The following MNAT1 variants were observed in gnomAD, a reference collection of about 807,000 sequenced individuals.
MNAT1 encodes CDK-activating kinase assembly factor MAT1.
A neutral mutation model predicts 42.0 loss-of-function variants in MNAT1; 43 were observed. The observed-to-expected ratio is 1.02, with a 90% CI of 0.80 to 1.32. The LOEUF (loss-of-function observed/expected upper bound fraction) is 1.32. MNAT1 is among the 40% of genes most tolerant of loss of function. The pLI, the probability that MNAT1 is intolerant of heterozygous loss-of-function variation, is 0.00. For missense variants in MNAT1, 306 were observed against 350.4 expected (o/e 0.87, Z 1.01); for synonymous variants, 118 against 120.0 (o/e 0.98, Z 0.11).
At chr14:60,922,758 C>G (rs2139555665) in intron 7 of MNAT1, among the ~76,000 whole-genome samples, 1 of 152,216 alleles carries the variant, frequency 6.6e-6, no homozygotes, top group Non-Finnish European at 1.5e-5. Flanking sequence ...AGTAAGATTT[C>G]TCCATTGCCA....
chr14:60,849,518 G>A (rs1160645909), intron 6 of MNAT1, among the ~76,000 whole-genome samples: 1 of 152,176 alleles, frequency 6.6e-6, no homozygotes, highest in Non-Finnish European at 1.5e-5. Context: ...TGAACTGCCT[G>A]TGGTCCTAGA....
intron 7 of MNAT1, among the ~76,000 whole-genome samples, chr14:60,937,575 T>A (rs944058376): frequency 6.6e-6 from 1 of 152,180 alleles, no homozygotes; most frequent in Non-Finnish European, 1.5e-5. Context: ...CTCTGTTCTG[T>A]TCCATTGGTC....
intron 1 of MNAT1, among the ~76,000 whole-genome samples, chr14:60,750,337 C>T (rs1424217415): frequency 6.6e-6 from 1 of 151,920 alleles, no homozygotes; most frequent in African/African-American, 2.4e-5. Flanking sequence ...CGGCATTCTC[C>T]TGCCTCAGCC....
intron 1 of MNAT1, among the ~76,000 whole-genome samples, chr14:60,743,998 C>A (rs1896545410): frequency 1.3e-5 from 2 of 151,880 alleles, no homozygotes; most frequent in South Asian, 4.2e-4. Flanking sequence ...ATATATTTTT[C>A]TTTAGTTCTT....
intron 7 of MNAT1, among the ~76,000 whole-genome samples, chr14:60,938,287 G>A (rs2036053071): frequency 6.6e-6 from 1 of 152,102 alleles, no homozygotes; most frequent in Admixed American, 6.5e-5. Flanking sequence ...GTGAGAGAGG[G>A]CATCCCTGTC....
rs918576742 is a variant in MNAT1, at chr14:60,968,377, T to C, written c.*28T>C. The C allele has an allele frequency of 6.3e-7, 1 of 1,598,196 alleles. No homozygotes were observed. Among genetic ancestry groups the C allele is most frequent in the Middle Eastern group, 1.7e-4 (1 of 5,978 alleles). ...ATTTATAAGATTTGGACCTTGGAGC[T>C]GAACCAGGGAGCTAGCAAAAGTAAA... On this transcript the variant is annotated 3_prime_UTR_variant, in exon 8 of 8. Transcript: ENST00000261245.
In MNAT1 at chr14:60,879,770, C is replaced by T. The variant is rs200165574; in HGVS notation, c.744C>T (p.Tyr248=). 6 of 1,613,006 alleles carry T rather than the reference C, an allele frequency of 3.7e-6. No homozygotes were observed. The African/African-American group carries it at 4.0e-5, about 11-fold the overall frequency. Residue 248 remains tyrosine, a synonymous_variant, in exon 7 of 8, where the codon TAC becomes TAT. Coordinates refer to ENST00000261245, the MANE Select transcript of MNAT1 (RefSeq NM_002431.4). ...IHKLEEALYE[Y]QPLQIETYGP... The stretch of plus-strand genomic sequence containing the variant: ...AGCTTGAAGAAGCTCTGTATGAATA[C>T]CAGCCACTGCAGATAGAGACATATG...
At chr14:60,751,330 A>G (rs1007010848) in intron 1 of MNAT1, among the ~76,000 whole-genome samples, 2 of 152,140 alleles carry the variant, frequency 1.3e-5, no homozygotes, top group African/African-American at 4.8e-5. Flanking sequence ...AAAAACTACA[A>G]TATTAAAAAT....
chr14:60,783,839 G>A (rs143709289), intron 1 of MNAT1, among the ~76,000 whole-genome samples: 2,090 of 151,848 alleles, frequency 0.014, 17 homozygotes, highest in Admixed American at 0.028. Context: ...AAATATTTAC[G>A]TATTTTTTGA....
At chr14:60,816,956 A>G (rs1430489543) in intron 5 of MNAT1, among the ~76,000 whole-genome samples, 4 of 151,972 alleles carry the variant, frequency 2.6e-5, no homozygotes, top group African/African-American at 9.7e-5. Flanking sequence ...TGAATGTGAA[A>G]CCAGGATTAA....
intron 1 of MNAT1, among the ~76,000 whole-genome samples, chr14:60,781,633 C>T (rs916718746): frequency 6.6e-6 from 1 of 152,020 alleles, no homozygotes; most frequent in African/African-American, 2.4e-5. Context: ...TTATCAATCT[C>T]CTTTACATGG....
At chr14:60,828,267 T>G (rs991975644) in intron 6 of MNAT1, among the ~76,000 whole-genome samples, 1 of 152,152 alleles carries the variant, frequency 6.6e-6, no homozygotes, top group Non-Finnish European at 1.5e-5. Flanking sequence ...TCCTGAGTAT[T>G]TTGTGAAGTA....
At chr14:60,966,113 G>GT (rs1354709122) in intron 7 of MNAT1, among the ~76,000 whole-genome samples, 8 of 152,048 alleles carry the variant, frequency 5.3e-5, no homozygotes, top group Middle Eastern at 6.8e-3. Context: ...TCTATCAAGA[G>GT]TTTAACAACG....
intron 6 of MNAT1, among the ~76,000 whole-genome samples, chr14:60,828,939 C>G (rs1258755901): frequency 6.6e-6 from 1 of 152,096 alleles, no homozygotes; most frequent in Non-Finnish European, 1.5e-5. Context: ...ATCTTCCATG[C>G]CCTCTCGGGG....
chr14:60,842,704 G>A (rs906115175), intron 6 of MNAT1, among the ~76,000 whole-genome samples: 1 of 152,096 alleles, frequency 6.6e-6, no homozygotes, highest in African/African-American at 2.4e-5. Context: ...TATTCCATTT[G>A]TTTGAATATA....
intron 6 of MNAT1, among the ~76,000 whole-genome samples, chr14:60,841,173 C>G (rs1368463496): frequency 1.3e-5 from 2 of 151,412 alleles, no homozygotes; most frequent in Non-Finnish European, 2.9e-5. Flanking sequence ...TTCCTTTTCC[C>G]TTTCCCTCCC....
chr14:60,875,228 A>G (rs1456764816), intron 6 of MNAT1, among the ~76,000 whole-genome samples: 1 of 152,146 alleles, frequency 6.6e-6, no homozygotes, highest in Non-Finnish European at 1.5e-5. Flanking sequence ...TACGGCCATT[A>G]AAACTTTTAA....
intron 1 of MNAT1, among the ~76,000 whole-genome samples, chr14:60,766,428 T>C (rs541910218): frequency 4.9e-4 from 75 of 152,076 alleles, no homozygotes; most frequent in African/African-American, 1.8e-3. Flanking sequence ...AAAAATCTTT[T>C]TGTGGCCTGG....
Position 60,914,826 on chromosome 14 carries a change from G to T in MNAT1, c.809+34991G>T, listed in dbSNP as rs538691784. Among the ~76,000 whole-genome samples, 26 of 152,288 alleles carry T rather than the reference G, an allele frequency of 1.7e-4. No individual in the cohort carries two copies. In the East Asian group the frequency reaches 5.0e-3, roughly 29 times the overall value. On this transcript the variant is annotated intron_variant, in intron 7 of 7. Coordinates refer to ENST00000261245, the MANE Select transcript of MNAT1 (RefSeq NM_002431.4). ...GGTTAAAAGAAGTGCGATTATTGAA[G>T]CTAGAATCAAATGGCTATACTTTGG...
Sources: gnomAD v4.1 joint callset for allele counts (sites outside exome capture counted in the v4.1 genomes callset) on GRCh38, gnomAD v4.1.1 for gene constraint, MANE v1.5 for transcripts, NCBI Gene and HGNC (gene_info 2026-07-23, HGNC 2026-07-21) for gene names.